Variants in TFAP2D observed in about 807,000 individuals in gnomAD.
TFAP2D encodes the protein transcription factor AP-2 delta, also known as transcription factor AP-2-delta.
TFAP2D carries 9 observed loss-of-function variants against 43.6 expected under a neutral mutation model. The ratio of observed to expected loss-of-function variants is 0.21; its 90% CI spans 0.12 to 0.36. The LOEUF (loss-of-function observed/expected upper bound fraction) is 0.36. TFAP2D is among the 10% of genes least tolerant of loss of function. TFAP2D has a pLI of 1.00. For missense variants in TFAP2D, 513 were observed against 561.4 expected, an observed-to-expected ratio of 0.91 and a Z score of 0.87; for synonymous variants, 256 against 224.9, an observed-to-expected ratio of 1.14 and a Z score of -1.24.
At chr6:50,738,744 C>T (rs571790920) in intron 5 of TFAP2D, among the ~76,000 whole-genome samples, 5 of 152,300 alleles carry the variant, frequency 3.3e-5, no homozygotes, top group African/African-American at 1.2e-4. Context: ...GTTTCCCTAA[C>T]AATGCTATCT....
intron 5 of TFAP2D, among the ~76,000 whole-genome samples, chr6:50,736,124 C>T (rs533169213): frequency 4.4e-4 from 67 of 152,236 alleles, no homozygotes; most frequent in African/African-American, 1.6e-3. Context: ...CTTCACTGGC[C>T]TTCTCCAGAC....
intron 3 of TFAP2D, among the ~76,000 whole-genome samples, chr6:50,720,538 CAT>C (rs1167119062): frequency 7.4e-4 from 100 of 134,770 alleles, no homozygotes; most frequent in African/African-American, 2.7e-3. Flanking sequence ...CACACACACA[CAT>C]ATACGTGGTA....
chr6:50,768,976 C>T (rs1168497281), intron 7 of TFAP2D, among the ~76,000 whole-genome samples: 4 of 149,418 alleles, frequency 2.7e-5, no homozygotes, highest in Admixed American at 1.3e-4. Flanking sequence ...GATCTTGCCT[C>T]TGCCTCCTGG....
At chr6:50,737,761 G>A (rs191607397) in intron 5 of TFAP2D, among the ~76,000 whole-genome samples, 9 of 151,904 alleles carry the variant, frequency 5.9e-5, no homozygotes, top group Admixed American at 2.6e-4. Context: ...TTAAAAAGTC[G>A]TGGTATTTCA....
At chr6:50,751,465 C>A (rs1234061534) in intron 7 of TFAP2D, 141 bp downstream of exon 7, 1 of 560,042 alleles carries the variant, frequency 1.8e-6, no homozygotes, top group Non-Finnish European at 3.2e-6. Context: ...AACAAAATAC[C>A]TTAGACTGGG....
intron 5 of TFAP2D, among the ~76,000 whole-genome samples, chr6:50,737,153 G>A (rs1274721236): frequency 6.6e-6 from 1 of 151,924 alleles, no homozygotes; most frequent in Non-Finnish European, 1.5e-5. Flanking sequence ...GCTAATTTTT[G>A]ATTTTTTGGT....
chr6:50,731,938 G>A (rs1768900752), intron 5 of TFAP2D, among the ~76,000 whole-genome samples: 1 of 151,916 alleles, frequency 6.6e-6, no homozygotes, highest in South Asian at 2.1e-4. Context: ...AATCATTGAT[G>A]TTTATCAGCA....
chr6:50,719,499 AAG>A (rs944106656), intron 3 of TFAP2D, among the ~76,000 whole-genome samples: 3 of 124,190 alleles, frequency 2.4e-5, no homozygotes, highest in Non-Finnish European at 5.7e-5. Context: ...GAAAGAAAGA[AAG>A]AAGTTTCTCA....
chr6:50,736,796 C>G (rs1050005046), intron 5 of TFAP2D, among the ~76,000 whole-genome samples: 1 of 152,082 alleles, frequency 6.6e-6, no homozygotes, highest in African/African-American at 2.4e-5. Flanking sequence ...ATAGCCAAAC[C>G]AATTTGCCTC....
intron 7 of TFAP2D, among the ~76,000 whole-genome samples, chr6:50,765,556 T>C (rs1305401601): frequency 1.3e-5 from 2 of 152,352 alleles, no homozygotes; most frequent in African/African-American, 4.8e-5. Context: ...ATAGCCATCC[T>C]AACAAATGTG....
At chr6:50,764,099 A>G (rs1393474672) in intron 7 of TFAP2D, among the ~76,000 whole-genome samples, 1 of 152,176 alleles carries the variant, frequency 6.6e-6, no homozygotes, top group Non-Finnish European at 1.5e-5. Context: ...TGCTTTAACT[A>G]TTAAGGCATG....
In TFAP2D at chr6:50,713,975, A is replaced by C. The variant is rs932439264; in HGVS notation, c.-81A>C. 5 of 1,589,806 alleles carry C rather than the reference A, an allele frequency of 3.1e-6. No individual in the cohort carries two copies. The African/African-American group carries it at 5.4e-5, about 17-fold the overall frequency. On this transcript the variant is annotated 5_prime_UTR_variant, in exon 1 of 8. Transcript: ENST00000008391. ...TTTTTTTTCCTTTAAAAATTGGAAA[A>C]TACAAGAAGTTTGGATTTTTTTTTC...
intron 7 of TFAP2D, among the ~76,000 whole-genome samples, chr6:50,753,964 C>CTT (rs1386996081): frequency 6.6e-6 from 1 of 151,896 alleles, no homozygotes; most frequent in Admixed American, 6.6e-5. Flanking sequence ...CCTACTATAT[C>CTT]TTTTTCTTAA....
At chr6:50,747,401 T>C (rs1247102008) in intron 6 of TFAP2D, among the ~76,000 whole-genome samples, 7 of 152,104 alleles carry the variant, frequency 4.6e-5, no homozygotes, top group Non-Finnish European at 8.8e-5. Context: ...GGTTTACCAA[T>C]GCACATATCC....
At chr6:50,739,624 C>T (rs982041431) in intron 5 of TFAP2D, among the ~76,000 whole-genome samples, 2 of 152,136 alleles carry the variant, frequency 1.3e-5, no homozygotes, top group South Asian at 4.1e-4. Context: ...GAGGGATATA[C>T]TCTATTTTTC....
intron 7 of TFAP2D, among the ~76,000 whole-genome samples, chr6:50,759,682 C>A (rs963337724): frequency 6.6e-6 from 1 of 151,952 alleles, no homozygotes; most frequent in South Asian, 2.1e-4. Flanking sequence ...ATGGTGCAGG[C>A]ATCAAATGTT....
In TFAP2D at chr6:50,745,219, A is replaced by G. The variant is rs1314183324; in HGVS notation, c.996A>G (p.Thr332=). ...ARQHMEQKEQ[T]ARKKMILATK... ...AACATATGGAACAGAAAGAACAGACAGCAAGAAAAAAGATGATCCTGGCGA... is the reference window on the plus strand; with the variant it reads ...AACATATGGAACAGAAAGAACAGACGGCAAGAAAAAAGATGATCCTGGCGA... Residue 332 remains threonine, a synonymous_variant, in exon 6 of 8, where the codon ACA becomes ACG. Coordinates refer to ENST00000008391, the MANE Select transcript of TFAP2D (RefSeq NM_172238.4). 1 of 1,613,610 alleles carries G rather than the reference A, an allele frequency of 6.2e-7. No homozygotes were observed. Among genetic ancestry groups the G allele is most frequent in the Non-Finnish European group, 8.5e-7 (1 of 1,179,770 alleles).
intron 5 of TFAP2D, among the ~76,000 whole-genome samples, chr6:50,738,275 A>C (rs1365616805): frequency 6.6e-6 from 1 of 152,152 alleles, no homozygotes; most frequent in Non-Finnish European, 1.5e-5. Flanking sequence ...AAATTGGCTT[A>C]TTAAATGTTA....
In TFAP2D at chr6:50,713,613, T is replaced by C. The variant is rs1207238949; in HGVS notation, c.-443T>C. The stretch of plus-strand genomic sequence containing the variant: ...CCTCAGTCGGTATAGAAAAGCATGA[T>C]AAAGGTTGGAAAAAATGGATAAAAA... On this transcript the variant is annotated 5_prime_UTR_variant, in exon 1 of 8. Coordinates refer to ENST00000008391, the MANE Select transcript of TFAP2D (RefSeq NM_172238.4). 1.3e-5 allele frequency among the ~76,000 whole-genome samples: 2 copies of C among 152,052 alleles called. No individual in the cohort carries two copies. The highest frequency in any genetic ancestry group is 4.8e-5 in the African/African-American group (2 of 41,436).
Sources: gnomAD v4.1 joint callset for allele counts (sites outside exome capture counted in the v4.1 genomes callset) on GRCh38, gnomAD v4.1.1 for gene constraint, MANE v1.5 for transcripts, NCBI Gene and HGNC (gene_info 2026-07-23, HGNC 2026-07-21) for gene names.